Variants in LEKR1 observed in about 807,000 individuals in gnomAD.
LEKR1 encodes leucine, glutamate and lysine rich 1.
A neutral mutation model predicts 72.4 loss-of-function variants in LEKR1; 59 were observed. The observed-to-expected ratio is 0.82, with a 90% CI of 0.66 to 1.01. The LOEUF is 1.01. LEKR1 is among the 50% of genes least tolerant of loss of function. The pLI is 0.00. For missense variants in LEKR1, 728 were observed against 759.2 expected, an observed-to-expected ratio of 0.96 and a Z score of 0.48; for synonymous variants, 257 against 263.2, an observed-to-expected ratio of 0.98 and a Z score of 0.23.
intron 6 of LEKR1, among the ~76,000 whole-genome samples, chr3:156,967,726 C>A (rs1303004638): frequency 6.6e-6 from 1 of 152,082 alleles, no homozygotes; most frequent in Non-Finnish European, 1.5e-5. Context: ...GGAGAACTTC[C>A]CCAATCTAGC....
intron 3 of LEKR1, among the ~76,000 whole-genome samples, chr3:156,889,337 C>T (rs906983391): frequency 2.4e-4 from 36 of 149,428 alleles, no homozygotes; most frequent in African/African-American, 8.3e-4. Flanking sequence ...CCCTGTACCT[C>T]TTTTTTTCTC....
intron 6 of LEKR1, among the ~76,000 whole-genome samples, chr3:156,972,357 G>A (rs111914640): frequency 2.0e-5 from 3 of 151,874 alleles, no homozygotes; most frequent in African/African-American, 4.8e-5. Context: ...GTCGGAGGAG[G>A]GGGGAGGGAT....
At chr3:156,952,416 A>AAT (rs1727241212) in intron 6 of LEKR1, among the ~76,000 whole-genome samples, 1 of 151,512 alleles carries the variant, frequency 6.6e-6, no homozygotes, top group Non-Finnish European at 1.5e-5. Context: ...GATTCTCATG[A>AAT]AAACTGTGAA....
chr3:156,907,822 A>G (rs558616966), intron 3 of LEKR1, among the ~76,000 whole-genome samples: 11 of 152,220 alleles, frequency 7.2e-5, no homozygotes, highest in Non-Finnish European at 1.3e-4. Flanking sequence ...TGGTTTTATC[A>G]TATTTTTTCA....
intron 1 of LEKR1, among the ~76,000 whole-genome samples, chr3:156,827,952 C>A (rs1399083267): frequency 6.6e-6 from 1 of 152,146 alleles, no homozygotes; most frequent in Non-Finnish European, 1.5e-5. Context: ...TTACTGATGG[C>A]AAATCCACCA....
chr3:156,977,434 AC>A (rs933236224), intron 6 of LEKR1: 36 of 500,982 alleles, frequency 7.2e-5, no homozygotes, highest in East Asian at 1.2e-4. Context: ...AAGAAATGTC[AC>A]CCCCCCTTAA....
chr3:156,969,845 C>G (rs1728998100), intron 6 of LEKR1, among the ~76,000 whole-genome samples: 1 of 152,176 alleles, frequency 6.6e-6, no homozygotes, highest in Non-Finnish European at 1.5e-5. Flanking sequence ...ACCAATATCC[C>G]TGATGAACAT....
At chr3:156,858,689 A>G (rs1012596524) in intron 3 of LEKR1, among the ~76,000 whole-genome samples, 11 of 149,530 alleles carry the variant, frequency 7.4e-5, no homozygotes, top group Admixed American at 7.3e-4. Flanking sequence ...AAAAAAAAAA[A>G]AAATCTGTTT....
At chr3:156,851,181 A>AT (rs1271488180) in intron 2 of LEKR1, 1 of 152,158 alleles carries the variant, frequency 6.6e-6, no homozygotes, top group Non-Finnish European at 1.5e-5. Flanking sequence ...TGAGGAAGAA[A>AT]TTCAGCTGAA....
At chr3:156,892,621 T>G (rs976349992) in intron 3 of LEKR1, among the ~76,000 whole-genome samples, 4 of 152,190 alleles carry the variant, frequency 2.6e-5, no homozygotes, top group Admixed American at 2.6e-4. Context: ...CCTTTTGAAA[T>G]TTCCTGCTCA....
intron 12 of LEKR1, among the ~76,000 whole-genome samples, chr3:157,039,099 G>A (rs1735170427): frequency 6.6e-6 from 1 of 152,178 alleles, no homozygotes; most frequent in African/African-American, 2.4e-5. Flanking sequence ...GAAAGTACAT[G>A]TGTATCTCTA....
intron 9 of LEKR1, among the ~76,000 whole-genome samples, chr3:156,996,441 T>C (rs1434224810): frequency 6.7e-6 from 1 of 150,282 alleles, no homozygotes; most frequent in East Asian, 1.9e-4. Flanking sequence ...GCAGGCAGGG[T>C]CACATCATGC....
At chr3:157,000,246 A>G (rs56027055) in intron 9 of LEKR1, among the ~76,000 whole-genome samples, 1,752 of 152,288 alleles carry the variant, frequency 0.012, 38 homozygotes, top group African/African-American at 0.041. Flanking sequence ...CAGATGGAAA[A>G]TAGAATAAAA....
chr3:157,027,958 C>A, intron 11 of LEKR1, 145 bp from the exon 12 acceptor site: 1 of 483,142 alleles, frequency 2.1e-6, no homozygotes, highest in South Asian at 5.3e-5. Context: ...AAAAGAAAAT[C>A]TTGAAGGCCT....
intron 2 of LEKR1, among the ~76,000 whole-genome samples, chr3:156,832,309 C>T (rs1712523517): frequency 6.6e-6 from 1 of 152,188 alleles, no homozygotes; most frequent in South Asian, 2.1e-4. Flanking sequence ...AAGAATCAAT[C>T]AGATATGGGG....
intron 9 of LEKR1, among the ~76,000 whole-genome samples, chr3:157,002,555 G>A (rs893053365): frequency 1.3e-5 from 2 of 152,120 alleles, no homozygotes; most frequent in South Asian, 2.1e-4. Flanking sequence ...ATAACATCAC[G>A]TATAATTATT....
intron 10 of LEKR1, among the ~76,000 whole-genome samples, chr3:157,018,541 A>G (rs1032566759): frequency 9.8e-5 from 15 of 152,326 alleles, no homozygotes; most frequent in Admixed American, 3.9e-4. Flanking sequence ...ATCCTTAAAT[A>G]TTTTGAAACT....
intron 3 of LEKR1, among the ~76,000 whole-genome samples, chr3:156,918,559 T>C (rs959976794): frequency 6.6e-6 from 1 of 152,130 alleles, no homozygotes; most frequent in Admixed American, 6.6e-5. Context: ...TGAGGCCCTA[T>C]ATGATATTAG....
At chr3:156,827,207 C>T (rs925263873) in intron 1 of LEKR1, 2 of 152,224 alleles carry the variant, frequency 1.3e-5, no homozygotes, top group African/African-American at 4.8e-5. Flanking sequence ...AATGCTTCCT[C>T]TATTTAATAT....
Sources: gnomAD v4.1 joint callset for allele counts (sites outside exome capture counted in the v4.1 genomes callset) on GRCh38, gnomAD v4.1.1 for gene constraint, MANE v1.5 for transcripts, NCBI Gene and HGNC (gene_info 2026-07-23, HGNC 2026-07-21) for gene names.